BNIP2: variants seen among roughly 807,000 people sequenced by gnomAD.
BNIP2 encodes BCL2/adenovirus E1B 19 kDa protein-interacting protein 2.
BNIP2 carries 36 observed loss-of-function variants against 43.4 expected under a neutral mutation model. That is an observed-to-expected ratio of 0.83 (90% confidence interval 0.64 to 1.10). The LOEUF (loss-of-function observed/expected upper bound fraction) is 1.10. Among genes scored for constraint, BNIP2 ranks in the 50% least tolerant of loss-of-function variants. BNIP2 has a pLI of 0.00. For synonymous variants in BNIP2, 146 were observed against 121.0 expected (o/e 1.21, Z -1.35); for missense variants, 417 against 374.1 (o/e 1.11, Z -0.95).
chr15:59,685,948 A>AT (rs562934903), intron 1 of BNIP2, among the ~76,000 whole-genome samples: 12 of 151,390 alleles, frequency 7.9e-5, no homozygotes, highest in South Asian at 2.1e-4. Context: ...TTGTTCATGT[A>AT]TTTTTTTTTG....
intron 1 of BNIP2, among the ~76,000 whole-genome samples, chr15:59,688,038 G>A (rs1894130947): frequency 6.6e-6 from 1 of 152,130 alleles, no homozygotes; most frequent in African/African-American, 2.4e-5. Context: ...GACCATAATA[G>A]CACTGACTTA....
intron 1 of BNIP2, among the ~76,000 whole-genome samples, chr15:59,683,331 A>C (rs1893812560): frequency 6.6e-6 from 1 of 152,248 alleles, no homozygotes; most frequent in Non-Finnish European, 1.5e-5. Flanking sequence ...TTAACAATGC[A>C]ACAAAACAGT....
chr15:59,687,374 C>G (rs62012470), intron 1 of BNIP2, among the ~76,000 whole-genome samples: 11,497 of 136,126 alleles, frequency 0.084, 623 homozygotes, highest in Middle Eastern at 0.18. Flanking sequence ...TTTTTTGAGA[C>G]GGAGTCTCAC....
At chr15:59,677,852 A>G in intron 5 of BNIP2, 59 bp downstream of exon 5, 1 of 1,533,618 alleles carries the variant, frequency 6.5e-7, no homozygotes, top group Non-Finnish European at 8.8e-7. Flanking sequence ...TATCCTTCCA[A>G]AAAAAAAAGA....
At chr15:59,681,409 TA>T (rs1893658774) in intron 2 of BNIP2, among the ~76,000 whole-genome samples, 2 of 151,900 alleles carry the variant, frequency 1.3e-5, no homozygotes, top group African/African-American at 4.8e-5. Flanking sequence ...TTAATTTACT[TA>T]GTAAGGTTTT....
At chr15:59,689,016 C>T (rs1894209975) in intron 1 of BNIP2, 119 bp downstream of exon 1, 4 of 1,448,430 alleles carry the variant, frequency 2.8e-6, no homozygotes, top group Admixed American at 2.7e-5. Flanking sequence ...CCAAGGGTAA[C>T]TCTCTGGGTT....
intron 5 of BNIP2, among the ~76,000 whole-genome samples, chr15:59,675,201 A>AT (rs1893198330): frequency 6.7e-6 from 1 of 150,050 alleles, no homozygotes; most frequent in Non-Finnish European, 1.5e-5. Context: ...GTGAGCCGAG[A>AT]TTGCGCCACT....
Position 59,689,297 on chromosome 15 carries a change from G to C in BNIP2, c.-220C>G. On this transcript the variant is annotated 5_prime_UTR_variant, in exon 1 of 10. Coordinates refer to ENST00000607373, the MANE Select transcript of BNIP2 (RefSeq NM_004330.4). ...CCGGCCGCAGCGGTACGGCGTCGGC[G>C]GCAGCAGCTGACCCGGACACAGTGA... is the stretch of plus-strand genomic sequence containing the variant. 6.5e-7 allele frequency: 1 copy of C among 1,546,438 alleles called. No individual in the cohort carries two copies. Among genetic ancestry groups the C allele is most frequent in the Non-Finnish European group, 8.7e-7 (1 of 1,145,758 alleles).
intron 2 of BNIP2, among the ~76,000 whole-genome samples, chr15:59,680,938 T>C (rs1041222972): frequency 6.6e-6 from 1 of 152,220 alleles, no homozygotes; most frequent in African/African-American, 2.4e-5. Context: ...AGCTGACTTA[T>C]ACACTTATTA....
intron 2 of BNIP2, among the ~76,000 whole-genome samples, chr15:59,681,951 A>T (rs1225902710): frequency 1.3e-5 from 2 of 152,002 alleles, no homozygotes; most frequent in African/African-American, 4.8e-5. Flanking sequence ...TTGGTTGGAA[A>T]GTAAGATACA....
intron 1 of BNIP2, among the ~76,000 whole-genome samples, chr15:59,685,098 T>TAA (rs1428006028): frequency 6.6e-6 from 1 of 152,250 alleles, no homozygotes; most frequent in Non-Finnish European, 1.5e-5. Flanking sequence ...TTTCTATTTG[T>TAA]AAAATTGTTC....
Position 59,689,267 on chromosome 15 carries a change from A to AT in BNIP2, c.-191dup. 1 of 1,545,074 alleles carries AT rather than the reference A, an allele frequency of 6.5e-7. No homozygotes were observed. The highest frequency in any genetic ancestry group is 8.7e-7 in the Non-Finnish European group (1 of 1,146,294). On this transcript the variant is annotated 5_prime_UTR_variant, in exon 1 of 10. Transcript: ENST00000607373. ...GGTCGGCGGTGGAGACCCCGGCCCA[A>AT]TCCCCCGGCCGCAGCGGTACGGCGT...
intron 5 of BNIP2, among the ~76,000 whole-genome samples, chr15:59,673,063 A>G (rs867451520): frequency 6.6e-6 from 1 of 152,126 alleles, no homozygotes; most frequent in African/African-American, 2.4e-5. Flanking sequence ...TACAGACACA[A>G]TACAATAACT....
chr15:59,687,275 A>C (rs914237545), intron 1 of BNIP2, among the ~76,000 whole-genome samples: 1 of 152,142 alleles, frequency 6.6e-6, no homozygotes, highest in Non-Finnish European at 1.5e-5. Flanking sequence ...GAATATTACT[A>C]TCACCACATT....
chr15:59,660,054 C>G lies in BNIP2; in HGVS notation c.*4015G>C, dbSNP rs4775195. The G allele has an allele frequency of 0.67, 101,398 of 152,102 alleles. 34,077 individuals are homozygous for G. Among genetic ancestry groups the G allele is most frequent in the African/African-American group, 0.75 (30,978 of 41,488 alleles). 9.4% of individuals were successfully genotyped at this position (152,102 alleles called of 1,614,324 possible). A position where few individuals can be genotyped will look rare whatever the true frequency, so the allele number is the denominator to read the frequency against. On this transcript the variant is annotated 3_prime_UTR_variant, in exon 10 of 10. Coordinates refer to ENST00000607373, the MANE Select transcript of BNIP2 (RefSeq NM_004330.4). The stretch of plus-strand genomic sequence containing the variant: ...AGAGGGGGATGCTTGCCAGGTAATT[C>G]TTTTGTATTAGCTTAGAACATTTGA...
chr15:59,672,700 G>C lies in BNIP2; in HGVS notation c.512C>G (p.Ala171Gly). Reference sequence around the variant, plus strand: ...ACTACTTTCAGGCATGAAACAGACAGCAAACACAACAATGGCATTTAATCC... The same window carrying C: ...ACTACTTTCAGGCATGAAACAGACACCAAACACAACAATGGCATTTAATCC... ...GDGLNAIVVFAVCFMPESSQP... is the reference protein window; with the variant it reads ...GDGLNAIVVFGVCFMPESSQP... Residue 171 changes from alanine (A) to glycine (G), a missense_variant, in exon 6 of 10, where the codon GCT (alanine) becomes GGT (glycine). Transcript: ENST00000607373. The C allele has an allele frequency of 6.2e-7, 1 of 1,613,660 alleles. No homozygotes were observed. The highest frequency in any genetic ancestry group is 8.5e-7 in the Non-Finnish European group (1 of 1,179,742).
Position 59,682,518 on chromosome 15 carries a change from T to G in BNIP2, c.-57-4A>C. ...GATAATCCAGGGAGCCAATGTCCTA[T>G]GAAGAGAGAAAAATGTATAACTTAA... On this transcript the variant is annotated splice_polypyrimidine_tract_variant and splice_region_variant and intron_variant, in intron 1 of 9. Transcript: ENST00000607373. The G allele has an allele frequency of 6.3e-7, 1 of 1,594,414 alleles. No individual in the cohort carries two copies.
chr15:59,677,177 G>A (rs1340551404), intron 5 of BNIP2: 1 of 1,594,798 alleles, frequency 6.3e-7, no homozygotes, highest in African/African-American at 1.3e-5. Flanking sequence ...GCATCTTATT[G>A]AAGGATCCAG....
intron 3 of BNIP2, 61 bp downstream of exon 3, chr15:59,680,168 TGGACAAAGAAAC>T: frequency 8.4e-7 from 1 of 1,188,314 alleles, no homozygotes. Flanking sequence ...TTTTTTTTTT[TGGACAAAGAAAC>T]GTGTTTTAAA....
Sources: gnomAD v4.1 joint callset for allele counts (sites outside exome capture counted in the v4.1 genomes callset) on GRCh38, gnomAD v4.1.1 for gene constraint, MANE v1.5 for transcripts, NCBI Gene and HGNC (gene_info 2026-07-23, HGNC 2026-07-21) for gene names.